Variants in PLCB4 observed in about 807,000 individuals in gnomAD.
The protein encoded by PLCB4 is 1-phosphatidylinositol 4,5-bisphosphate phosphodiesterase beta-4.
A neutral mutation model predicts 178.8 loss-of-function variants in PLCB4; 77 were observed. The ratio of observed to expected loss-of-function variants is 0.43; its 90% CI spans 0.36 to 0.52. PLCB4 has a LOEUF of 0.52. Among genes scored for constraint, PLCB4 ranks in the 20% least tolerant of loss-of-function variants. The pLI is 0.00. For missense variants in PLCB4, 1,024 were observed against 1,453.4 expected, an observed-to-expected ratio of 0.70 and a Z score of 4.80; for synonymous variants, 496 against 490.8, an observed-to-expected ratio of 1.01 and a Z score of -0.14.
At chr20:9,252,748 T>C (rs991170662) in intron 3 of PLCB4, among the ~76,000 whole-genome samples, 1 of 152,174 alleles carries the variant, frequency 6.6e-6, no homozygotes, top group Non-Finnish European at 1.5e-5. Flanking sequence ...AAGGGCTGAA[T>C]AGAACAGAAA....
At position 9,296,225 on chromosome 20, in the gene PLCB4, G is replaced by A. The variant is rs527950916; in HGVS notation, c.-15-11575G>A. On this transcript the variant is annotated intron_variant, in intron 3 of 39. Coordinates refer to ENST00000378473, the MANE Select transcript of PLCB4 (RefSeq NM_001377142.1). ...TGTGAACAGACACTTCTCAAAAGAC[G>A]ACATTTATGCAGCCAAAAAACACAT... 7.2e-5 allele frequency among the ~76,000 whole-genome samples: 11 copies of A among 152,196 alleles called. No homozygotes were observed. In the East Asian group the frequency reaches 1.6e-3, roughly 21 times the overall value.
At chr20:9,379,881 A>C (rs1230576028) in intron 12 of PLCB4, among the ~76,000 whole-genome samples, 173 bp from the exon 13 acceptor site, 1 of 152,072 alleles carries the variant, frequency 6.6e-6, no homozygotes, top group Admixed American at 6.6e-5. Flanking sequence ...CCAAATGTGG[A>C]CTTTTTGAAG....
chr20:9,091,961 G>T (rs2146576066), intron 1 of PLCB4, among the ~76,000 whole-genome samples: 1 of 152,124 alleles, frequency 6.6e-6, no homozygotes, highest in Middle Eastern at 3.4e-3. Context: ...AGGAGTTTAT[G>T]TTGTATCAAG....
intron 15 of PLCB4, among the ~76,000 whole-genome samples, chr20:9,389,273 T>G (rs1223692274): frequency 1.3e-5 from 2 of 152,180 alleles, no homozygotes; most frequent in Non-Finnish European, 2.9e-5. Context: ...CTTCTATGTT[T>G]CACTTACATG....
chr20:9,335,942 A>G (rs1341313995), intron 4 of PLCB4, among the ~76,000 whole-genome samples: 1 of 152,190 alleles, frequency 6.6e-6, no homozygotes, highest in Admixed American at 6.5e-5. Flanking sequence ...GGACTACTTT[A>G]TGATGGCCTA....
intron 1 of PLCB4, among the ~76,000 whole-genome samples, chr20:9,089,001 A>C (rs1280610741): frequency 6.6e-6 from 1 of 151,950 alleles, no homozygotes; most frequent in Non-Finnish European, 1.5e-5. Context: ...AATATACTTT[A>C]AGAGTTGGCA....
At chr20:9,089,740 G>A (rs2090592783) in intron 1 of PLCB4, among the ~76,000 whole-genome samples, 1 of 152,136 alleles carries the variant, frequency 6.6e-6, no homozygotes, top group African/African-American at 2.4e-5. Context: ...TTTGTCAGCT[G>A]TTAGGAATTA....
intron 2 of PLCB4, among the ~76,000 whole-genome samples, chr20:9,132,638 G>A (rs1429875947): frequency 1.3e-5 from 2 of 152,168 alleles, no homozygotes; most frequent in Non-Finnish European, 2.9e-5. Flanking sequence ...TTATAAAAGT[G>A]CTTGTAAGCA....
intron 28 of PLCB4, among the ~76,000 whole-genome samples, chr20:9,433,125 A>G (rs993474323): frequency 6.6e-6 from 1 of 152,264 alleles, no homozygotes; most frequent in Admixed American, 6.5e-5. Context: ...GAAGAGAGAT[A>G]GCAGCAGTAT....
At chr20:9,111,007 T>C (rs1342689226) in intron 2 of PLCB4, among the ~76,000 whole-genome samples, 1 of 152,152 alleles carries the variant, frequency 6.6e-6, no homozygotes, top group Non-Finnish European at 1.5e-5. Flanking sequence ...TCAAACTGTT[T>C]CCAAGGTGAG....
In PLCB4 at chr20:9,444,243, G is replaced by A. The variant is rs756576130; in HGVS notation, c.2880G>A (p.Lys960=). 1.3e-6 allele frequency: 2 copies of A among 1,573,512 alleles called. No individual in the cohort carries two copies. Among genetic ancestry groups the A allele is most frequent in the Non-Finnish European group, 1.7e-6 (2 of 1,144,556 alleles). The stretch of plus-strand genomic sequence containing the variant: ...ATTCTTTAAAGAAGAAACATGCAAA[G>A]GTACAGTGCTCTACAGCTACTATTT... ...ELNSLKKKHA[K]EHSTMQKLHC... The change falls in exon 32 of 40, where the codon AAG becomes AAA. Residue 960 remains lysine (K), a splice_region_variant and synonymous_variant. Transcript: ENST00000378473.
At chr20:9,451,749 G>A (rs983840386) in intron 32 of PLCB4, among the ~76,000 whole-genome samples, 1 of 152,138 alleles carries the variant, frequency 6.6e-6, no homozygotes, top group Admixed American at 6.5e-5. Context: ...ACTGTGTTTT[G>A]AATAAGCTGT....
chr20:9,282,930 G>A (rs2147706028), intron 3 of PLCB4, among the ~76,000 whole-genome samples: 1 of 152,080 alleles, frequency 6.6e-6, no homozygotes, highest in South Asian at 2.1e-4. Context: ...GAACAAGAAG[G>A]AAACCCCAAT....
At chr20:9,254,606 A>G (rs2094214878) in intron 3 of PLCB4, among the ~76,000 whole-genome samples, 1 of 152,136 alleles carries the variant, frequency 6.6e-6, no homozygotes, top group African/African-American at 2.4e-5. Flanking sequence ...GCTGAGACAC[A>G]GGAATCTCTT....
intron 1 of PLCB4, among the ~76,000 whole-genome samples, chr20:9,088,788 A>T (rs2090551047): frequency 1.3e-5 from 2 of 152,162 alleles, no homozygotes. Flanking sequence ...AACTGGATTG[A>T]CAGGCACTTC....
chr20:9,206,577 G>A (rs1202484755), intron 2 of PLCB4, among the ~76,000 whole-genome samples: 1 of 152,144 alleles, frequency 6.6e-6, no homozygotes, highest in African/African-American at 2.4e-5. Context: ...AGGACACAGG[G>A]ACACTTCAGA....
intron 2 of PLCB4, among the ~76,000 whole-genome samples, chr20:9,172,419 A>G (rs780554262): frequency 3.3e-5 from 5 of 152,328 alleles, no homozygotes; most frequent in Admixed American, 6.5e-5. Context: ...CCTCACTGCT[A>G]TAAGTCAAAT....
At chr20:9,299,468 G>A (rs1261385906) in intron 3 of PLCB4, among the ~76,000 whole-genome samples, 2 of 151,916 alleles carry the variant, frequency 1.3e-5, no homozygotes, top group Non-Finnish European at 2.9e-5. Context: ...ACATATGTAA[G>A]CAATATGTGT....
At chr20:9,455,761 A>G (rs1454559528) in intron 33 of PLCB4, among the ~76,000 whole-genome samples, 1 of 152,244 alleles carries the variant, frequency 6.6e-6, no homozygotes, top group Non-Finnish European at 1.5e-5. Context: ...ATTAAAAGTT[A>G]CTTCAAAATC....
Sources: allele counts gnomAD v4.1 joint callset (sites outside exome capture counted in the v4.1 genomes callset), GRCh38; gene constraint gnomAD v4.1.1; transcripts MANE v1.5; gene names NCBI Gene and HGNC (gene_info 2026-07-23, HGNC 2026-07-21).